AKAP6: variants seen among roughly 807,000 people sequenced by gnomAD.
The protein encoded by AKAP6 is A-kinase anchoring protein 6.
A neutral mutation model predicts 188.5 loss-of-function variants in AKAP6; 58 were observed. The ratio of observed to expected loss-of-function variants is 0.31; its 90% confidence interval spans 0.25 to 0.38. The LOEUF is 0.38. Ranked by LOEUF, AKAP6 falls within the 10% of genes least tolerant of loss-of-function variation. The pLI is 1.00. For missense variants in AKAP6, 2,710 were observed against 2,740.0 expected, an observed-to-expected ratio of 0.99 and a Z score of 0.24; for synonymous variants, 989 against 998.6, an observed-to-expected ratio of 0.99 and a Z score of 0.18.
At chr14:32,534,913 T>C (rs1951181) in intron 2 of AKAP6, among the ~76,000 whole-genome samples, 123,118 of 149,568 alleles carry the variant, frequency 0.82, 51,196 homozygotes, top group African/African-American at 0.96. Context: ...TGCAGTGAGC[T>C]GAGATTGCGC....
chr14:32,787,877 C>T (rs975597564), intron 12 of AKAP6, among the ~76,000 whole-genome samples: 2 of 151,404 alleles, frequency 1.3e-5, no homozygotes, highest in Admixed American at 1.3e-4. Context: ...ATCTATATGC[C>T]CTCCCTCCTG....
intron 7 of AKAP6, among the ~76,000 whole-genome samples, chr14:32,630,703 T>C (rs146016638): frequency 6.6e-6 from 1 of 152,194 alleles, no homozygotes; most frequent in Non-Finnish European, 1.5e-5. Flanking sequence ...ATGTGTAAAG[T>C]CTATGTAACA....
At chr14:32,800,773 G>T (rs954332902) in intron 12 of AKAP6, among the ~76,000 whole-genome samples, 1 of 152,080 alleles carries the variant, frequency 6.6e-6, no homozygotes, top group African/African-American at 2.4e-5. Context: ...CCAGCATTTT[G>T]GGAGGCCAAA....
At chr14:32,519,546 T>A (rs1021970584) in intron 2 of AKAP6, among the ~76,000 whole-genome samples, 14 of 152,064 alleles carry the variant, frequency 9.2e-5, no homozygotes, top group Middle Eastern at 6.8e-3. Flanking sequence ...GGTTGCAATC[T>A]TAGTCTCTGA....
At chr14:32,600,943 G>T in intron 7 of AKAP6, 151 bp downstream of exon 7, 8 of 681,720 alleles carry the variant, frequency 1.2e-5, no homozygotes, top group Non-Finnish European at 1.5e-5. Flanking sequence ...AAAATGAAAT[G>T]CCTTAGTTTA....
intron 1 of AKAP6, among the ~76,000 whole-genome samples, chr14:32,392,459 A>G (rs1888743681): frequency 6.6e-6 from 1 of 152,190 alleles, no homozygotes; most frequent in Admixed American, 6.6e-5. Flanking sequence ...ATGCTTGTGT[A>G]TGCATGGCTT....
chr14:32,560,127 T>G (rs1010536689), intron 4 of AKAP6, among the ~76,000 whole-genome samples: 3 of 152,090 alleles, frequency 2.0e-5, no homozygotes, highest in African/African-American at 7.2e-5. Flanking sequence ...AGATACACAG[T>G]AGATGAATGG....
In AKAP6 at chr14:32,821,964, A is replaced by T; in HGVS notation, c.4151A>T (p.Asn1384Ile). The change falls in exon 13 of 14, where the codon AAT (asparagine) becomes ATT (isoleucine). Residue 1384 changes from asparagine (N) to isoleucine (I), a missense_variant. By Grantham distance (149) the Asn-to-Ile change is moderately radical (BLOSUM62 -3). Coordinates refer to ENST00000280979, the MANE Select transcript of AKAP6 (RefSeq NM_004274.5). ...ACCAACTCTGAAATGTGCTTGCTCA[A>T]TGCAGTGGATGGGTCCCCAAGTAAC... is the stretch of plus-strand genomic sequence containing the variant. The part of the protein sequence containing the change: ...TTTNSEMCLL[N>I]AVDGSPSNLE... 1 of 1,613,994 alleles carries T rather than the reference A, an allele frequency of 6.2e-7. No homozygotes were observed. Among genetic ancestry groups the T allele is most frequent in the Non-Finnish European group, 8.5e-7 (1 of 1,179,936 alleles).
In AKAP6 at chr14:32,615,167, C is replaced by CAAAAAAAAA. The variant is rs71115086; in HGVS notation, c.2730+14386_2730+14394dup. On this transcript the variant is annotated intron_variant, in intron 7 of 13. Transcript: ENST00000280979. ...CTGGCAACAGAGCAAGACTCTGTCT[C>CAAAAAAAAA]AAAAAAAAAAAAAAAAAAAGATAAA... Among the ~76,000 whole-genome samples, 455 of 53,470 alleles carry CAAAAAAAAA rather than the reference C, an allele frequency of 8.5e-3. 73 individuals are homozygous for CAAAAAAAAA. The highest frequency in any genetic ancestry group is 0.016 in the African/African-American group (165 of 10,460). The allele number at this position is 53,470 out of a possible 152,430, so 35.1% of individuals were successfully genotyped here.
intron 7 of AKAP6, among the ~76,000 whole-genome samples, chr14:32,607,890 G>T (rs79394625): frequency 0.02 from 3,001 of 152,216 alleles, 88 homozygotes; most frequent in African/African-American, 0.063. Flanking sequence ...TGCTACTGTG[G>T]ATTTTTCAAT....
At chr14:32,768,903 G>A (rs149354597) in intron 11 of AKAP6, among the ~76,000 whole-genome samples, 68 of 152,138 alleles carry the variant, frequency 4.5e-4, no homozygotes, top group African/African-American at 1.6e-3. Flanking sequence ...TGTGAATACT[G>A]CTTGGCGTGG....
intron 2 of AKAP6, among the ~76,000 whole-genome samples, chr14:32,475,924 C>G (rs979215187): frequency 2.0e-5 from 3 of 151,908 alleles, no homozygotes; most frequent in African/African-American, 7.2e-5. Flanking sequence ...ACCTCATGAT[C>G]CGCCCGCCTC....
At chr14:32,746,084 A>T (rs960361245) in intron 11 of AKAP6, among the ~76,000 whole-genome samples, 1 of 152,122 alleles carries the variant, frequency 6.6e-6, no homozygotes, top group African/African-American at 2.4e-5. Flanking sequence ...CCTCTGGCCC[A>T]GAGCAAGTCC....
At chr14:32,431,752 G>T (rs1481185176) in intron 1 of AKAP6, among the ~76,000 whole-genome samples, 5 of 152,232 alleles carry the variant, frequency 3.3e-5, no homozygotes, top group Non-Finnish European at 5.9e-5. Flanking sequence ...GACCTCAGGT[G>T]ATCTGCCTGC....
intron 2 of AKAP6, among the ~76,000 whole-genome samples, chr14:32,458,046 C>T (rs923286490): frequency 2.0e-5 from 3 of 152,076 alleles, no homozygotes; most frequent in African/African-American, 7.2e-5. Context: ...GAGTGAAAAG[C>T]CTTGGCAAAT....
intron 7 of AKAP6, among the ~76,000 whole-genome samples, chr14:32,670,415 T>C (rs1405327334): frequency 1.3e-5 from 2 of 152,112 alleles, no homozygotes. Flanking sequence ...AAGGAAGCAT[T>C]CTGGACTAGT....
At chr14:32,364,112 G>C in intron 1 of AKAP6, among the ~76,000 whole-genome samples, 1 of 152,144 alleles carries the variant, frequency 6.6e-6, no homozygotes, top group East Asian at 1.9e-4. Flanking sequence ...GTGGTAAGCT[G>C]CTTTACACTG....
chr14:32,594,421 A>C lies in AKAP6; in HGVS notation c.2470-4989A>C, dbSNP rs571308466. On this transcript the variant is annotated intron_variant, in intron 5 of 13. Coordinates refer to ENST00000280979, the MANE Select transcript of AKAP6 (RefSeq NM_004274.5). ...TTTTCCATATGATTGTTTAGTCTTC[A>C]TTTTGATGGCTATCTAATGTCTGAT... Among the ~76,000 whole-genome samples, 3 of 152,246 alleles carry C rather than the reference A, an allele frequency of 2.0e-5. No homozygotes were observed. The East Asian group carries it at 5.8e-4, about 29-fold the overall frequency.
Position 32,348,071 on chromosome 14 carries a change from G to A in AKAP6, c.-35+18663G>A, listed in dbSNP as rs545158868. ...GGGCAGGGGCTGCTGTGGATAGTAAGATACAGATGAAGTGCTGGGCAGGTC... is the reference window on the plus strand; with the variant it reads ...GGGCAGGGGCTGCTGTGGATAGTAAAATACAGATGAAGTGCTGGGCAGGTC... On this transcript the variant is annotated intron_variant, in intron 1 of 13. Coordinates refer to ENST00000280979, the MANE Select transcript of AKAP6 (RefSeq NM_004274.5). Among the ~76,000 whole-genome samples, 6 of 152,344 alleles carry A rather than the reference G, an allele frequency of 3.9e-5. No individual in the cohort carries two copies. In the South Asian group the frequency reaches 1.2e-3, roughly 32 times the overall value.
Sources: allele counts gnomAD v4.1 joint callset (sites outside exome capture counted in the v4.1 genomes callset), GRCh38; gene constraint gnomAD v4.1.1; transcripts MANE v1.5; gene names NCBI Gene and HGNC (gene_info 2026-07-23, HGNC 2026-07-21).